The following AHCY variants were observed in gnomAD, a reference collection of about 807,000 sequenced individuals.
The protein encoded by AHCY is adenosylhomocysteinase, also known as S-adenosyl-L-homocysteine hydrolase.
AHCY carries 24 observed loss-of-function variants against 45.4 expected under a neutral mutation model. That is an observed-to-expected ratio of 0.53 (90% confidence interval 0.38 to 0.74). The LOEUF (loss-of-function observed/expected upper bound fraction) is 0.74. AHCY is among the 30% of genes least tolerant of loss of function. The pLI is 0.00. For synonymous variants in AHCY, 245 were observed against 235.1 expected (o/e 1.04, Z -0.39); for missense variants, 449 against 594.1 (o/e 0.76, Z 2.54).
intron 1 of AHCY, among the ~76,000 whole-genome samples, chr20:34,295,805 A>T (rs2036561186): frequency 6.6e-6 from 1 of 152,220 alleles, no homozygotes; most frequent in South Asian, 2.1e-4. Flanking sequence ...TTGTGGGAGA[A>T]CACATTTAAT....
chr20:34,266,939 A>C, the AHCY span, among the ~76,000 whole-genome samples: 1 of 152,152 alleles, frequency 6.6e-6, no homozygotes, highest in Non-Finnish European at 1.5e-5. Context: ...TCAGTTTATC[A>C]TATCAACTGT....
At chr20:34,234,210 CTGTT>C in the AHCY span, among the ~76,000 whole-genome samples, 3 of 152,326 alleles carry the variant, frequency 2.0e-5, no homozygotes, top group Admixed American at 6.5e-5. Flanking sequence ...GTGATCCAGA[CTGTT>C]TGGTGGCTAC....
the AHCY span, among the ~76,000 whole-genome samples, chr20:34,232,795 C>G: frequency 1.3e-4 from 20 of 152,306 alleles, no homozygotes; most frequent in African/African-American, 4.8e-4. Context: ...CAGGCCATGT[C>G]CACATGAGTT....
chr20:34,301,241 C>T (rs185523280), intron 1 of AHCY, among the ~76,000 whole-genome samples: 2 of 152,236 alleles, frequency 1.3e-5, no homozygotes, highest in Admixed American at 6.5e-5. Flanking sequence ...GGGAGGGGCC[C>T]GGCTGTATGG....
In AHCY at chr20:34,290,277, G is replaced by T. The variant is rs2036329381; in HGVS notation, c.972+55C>A. The T allele has an allele frequency of 1.9e-6, 3 of 1,539,268 alleles. No individual in the cohort carries two copies. The East Asian group carries it at 6.7e-5, about 35-fold the overall frequency. ...CCTCAGCTCTCCTCCCTGGCAGCCA[G>T]CACTCCTCTGCACTCCCATCTGCCC... is the stretch of plus-strand genomic sequence containing the variant. On this transcript the variant is annotated intron_variant, in intron 8 of 9. Transcript: ENST00000217426. This position sits in a 1 kb window ranked among gnomAD's most constrained non-coding sequence, Gnocchi z 4.5.
intron 1 of AHCY, chr20:34,302,636 A>T: frequency 1.0e-6 from 1 of 985,846 alleles, no homozygotes; most frequent in Non-Finnish European, 1.2e-6. Flanking sequence ...GTGGGACAGC[A>T]GGATTTTTCA....
chr20:34,279,654 G>T (rs2035947408), downstream of AHCY, among the ~76,000 whole-genome samples: 1 of 152,150 alleles, frequency 6.6e-6, no homozygotes, highest in South Asian at 2.1e-4. Flanking sequence ...CAGGGAAAAA[G>T]AAAAGGTAAG....
At chr20:34,242,777 C>G in the AHCY span, among the ~76,000 whole-genome samples, 2 of 152,372 alleles carry the variant, frequency 1.3e-5, no homozygotes, top group South Asian at 2.1e-4. Flanking sequence ...CCTCTTCCCT[C>G]CTTCTGCTGT....
chr20:34,292,644 G>T, intron 3 of AHCY, 137 bp from the exon 4 acceptor site: 1 of 1,271,614 alleles, frequency 7.9e-7, no homozygotes. Flanking sequence ...AAACTCAGCA[G>T]TGGTCAGGAC....
In AHCY at chr20:34,290,680, GC is replaced by G; in HGVS notation, c.767-43del. The G allele has an allele frequency of 6.2e-7, 1 of 1,613,850 alleles. No individual in the cohort carries two copies. Among genetic ancestry groups the G allele is most frequent in the South Asian group, 1.1e-5 (1 of 91,046 alleles). On this transcript the variant is annotated intron_variant, in intron 6 of 9. Coordinates refer to ENST00000217426, the MANE Select transcript of AHCY (RefSeq NM_000687.4). This position sits in a 1 kb window ranked among gnomAD's most constrained non-coding sequence, Gnocchi z 4.5. The stretch of plus-strand genomic sequence containing the variant: ...GCTGTGGGTCATCTACGGTGGCCTT[GC>G]CCCTCCCTCTGGCCCCAGTGGCTGA...
the AHCY span, among the ~76,000 whole-genome samples, chr20:34,273,222 CTT>C: frequency 5.7e-5 from 8 of 141,326 alleles, no homozygotes; most frequent in Admixed American, 7.0e-5. Flanking sequence ...TGTGGTGACC[CTT>C]TTTTTTTTTT....
chr20:34,290,722 C>G lies in AHCY; in HGVS notation c.766+9G>C. The G allele has an allele frequency of 6.2e-7, 1 of 1,613,820 alleles. No homozygotes were observed. Among genetic ancestry groups the G allele is most frequent in the South Asian group, 1.1e-5 (1 of 91,048 alleles). On this transcript the variant is annotated intron_variant, in intron 6 of 9. Transcript: ENST00000217426. This position sits in a 1 kb window ranked among gnomAD's most constrained non-coding sequence, Gnocchi z 4.5. ...CAGTGGCTGACAACCAACCCTTGCCCTATCCTACCCTCCATGGCAGCCTGC... is the reference window on the plus strand; with the variant it reads ...CAGTGGCTGACAACCAACCCTTGCCGTATCCTACCCTCCATGGCAGCCTGC...
At chr20:34,243,046 G>A in the AHCY span, among the ~76,000 whole-genome samples, 2 of 152,190 alleles carry the variant, frequency 1.3e-5, no homozygotes, top group Admixed American at 6.5e-5. Flanking sequence ...ATTTAGCATC[G>A]CCTATCAGCA....
downstream of AHCY, among the ~76,000 whole-genome samples, chr20:34,278,793 A>T (rs1277431912): frequency 6.6e-6 from 1 of 152,168 alleles, no homozygotes; most frequent in Non-Finnish European, 1.5e-5. Flanking sequence ...TCATATCTTT[A>T]GAACTTAATG....
chr20:34,254,144 C>A, the AHCY span, among the ~76,000 whole-genome samples: 3 of 151,938 alleles, frequency 2.0e-5, no homozygotes, highest in Non-Finnish European at 4.4e-5. Context: ...CTCACTGCAA[C>A]CTCTGCCTCC....
At chr20:34,232,488 A>G in the AHCY span, among the ~76,000 whole-genome samples, 1 of 152,170 alleles carries the variant, frequency 6.6e-6, no homozygotes, top group Admixed American at 6.6e-5. Flanking sequence ...GACCACTGTC[A>G]ATAAATCCCC....
the AHCY span, among the ~76,000 whole-genome samples, chr20:34,245,544 T>C: frequency 7.3e-5 from 11 of 151,362 alleles, no homozygotes; most frequent in Non-Finnish European, 1.5e-4. Context: ...TGCGCCACCA[T>C]GCCTGGCTAA....
At chr20:34,241,368 G>A in the AHCY span, 1 of 792,014 alleles carries the variant, frequency 1.3e-6, no homozygotes, top group Non-Finnish European at 1.5e-6. Context: ...AAATAATTTT[G>A]TAGTATGATT....
the AHCY span, chr20:34,262,987 A>G: frequency 2.1e-6 from 3 of 1,437,582 alleles, no homozygotes; most frequent in Non-Finnish European, 2.9e-6. Context: ...AACTAAATGA[A>G]AGATTTTTCA....
Sources: allele counts gnomAD v4.1 joint callset (sites outside exome capture counted in the v4.1 genomes callset), GRCh38; gene constraint gnomAD v4.1.1; non-coding constraint Gnocchi (gnomAD v3.1); transcripts MANE v1.5; gene names NCBI Gene and HGNC (gene_info 2026-07-23, HGNC 2026-07-21).